Variants in DRC3 observed in about 807,000 individuals in gnomAD.
The protein encoded by DRC3 is dynein regulatory complex subunit 3, also known as leucine rich repeat containing 48.
In DRC3, 45 loss-of-function variants were observed where a neutral mutation model predicts 57.6. The ratio of observed to expected loss-of-function variants is 0.78; its 90% CI spans 0.62 to 1.00. The LOEUF is 1.00. DRC3 is among the 50% of genes least tolerant of loss of function. DRC3 has a pLI of 0.00. For synonymous variants in DRC3, 257 were observed against 272.3 expected, an observed-to-expected ratio of 0.94 and a Z score of 0.55; for missense variants, 655 against 675.2, an observed-to-expected ratio of 0.97 and a Z score of 0.33.
At chr17:18,015,652 C>G (rs562057256) in intron 12 of DRC3, 41 of 178,178 alleles carry the variant, frequency 2.3e-4, no homozygotes, top group Non-Finnish European at 3.6e-4. Context: ...TCAGAGCAGC[C>G]TCGAGACCCT....
At chr17:17,976,398 G>A (rs1317064838) in intron 2 of DRC3, among the ~76,000 whole-genome samples, 1 of 152,200 alleles carries the variant, frequency 6.6e-6, no homozygotes, top group Non-Finnish European at 1.5e-5. Flanking sequence ...ATCTACTGGA[G>A]GCTGGGCACG....
At chr17:17,978,221 A>G (rs939414884) in intron 3 of DRC3, among the ~76,000 whole-genome samples, 1 of 152,176 alleles carries the variant, frequency 6.6e-6, no homozygotes, top group African/African-American at 2.4e-5. Context: ...TAGCAGGAGG[A>G]GCACAGGCCC....
rs1391670371 is a variant in DRC3 at position 17,988,027 on chromosome 17, G to A, written c.373G>A (p.Asp125Asn). 5.6e-6 allele frequency: 9 copies of A among 1,613,882 alleles called. No homozygotes were observed. Among genetic ancestry groups the A allele is most frequent in the East Asian group, 2.2e-5 (1 of 44,894 alleles). ...SLFNNRISKIDSLDALVKLQV... is the reference protein window; with the variant it reads ...SLFNNRISKINSLDALVKLQV... ...GTTCAACAACCGGATCTCCAAGATC[G>A]ACTCCCTGGACGCCCTCGTCAAGCT... is the stretch of plus-strand genomic sequence containing the variant. The change falls in exon 5 of 14, where the codon GAC becomes AAC. Residue 125 changes from aspartate (D) to asparagine (N), a missense_variant. Physicochemically the swap from Asp to Asn is conservative, Grantham distance 23 (BLOSUM62 1). Coordinates refer to ENST00000399187, the MANE Select transcript of DRC3 (RefSeq NM_031294.4).
intron 3 of DRC3, among the ~76,000 whole-genome samples, chr17:17,982,551 A>T (rs1162739634): frequency 7.4e-6 from 1 of 135,292 alleles, no homozygotes; most frequent in African/African-American, 2.8e-5. Flanking sequence ...TCACTTCTGT[A>T]TTATTTCAGT....
At chr17:17,999,836 G>A (rs979508041) in intron 9 of DRC3, among the ~76,000 whole-genome samples, 2 of 152,236 alleles carry the variant, frequency 1.3e-5, no homozygotes, top group African/African-American at 2.4e-5. Flanking sequence ...CTGCACTCTC[G>A]AATGAGTAGT....
At chr17:17,978,773 G>A (rs4635395) in intron 3 of DRC3, among the ~76,000 whole-genome samples, 52,960 of 151,990 alleles carry the variant, frequency 0.35, 10,625 homozygotes, top group East Asian at 0.86. Flanking sequence ...GGCAGGAGGG[G>A]GCTTTTGCAG....
intron 8 of DRC3, 137 bp downstream of exon 8, chr17:17,995,248 G>A (rs1331673077): frequency 3.2e-6 from 2 of 630,276 alleles, no homozygotes; most frequent in East Asian, 5.7e-5. Context: ...TGAGAGCAAT[G>A]TACCCAACAG....
chr17:17,979,923 G>A (rs4622569), intron 3 of DRC3, among the ~76,000 whole-genome samples: 16,408 of 152,096 alleles, frequency 0.11, 1,024 homozygotes, highest in East Asian at 0.26. Context: ...GAGGCACTAC[G>A]CAGCAATCCG....
chr17:17,992,977 G>GAA, intron 6 of DRC3, 66 bp downstream of exon 6: 1 of 1,577,000 alleles, frequency 6.3e-7, no homozygotes, highest in African/African-American at 1.3e-5. Context: ...AGGTTTCTTG[G>GAA]AAAAGGGGCA....
chr17:18,000,299 C>CGTGT (rs34508417), intron 9 of DRC3, among the ~76,000 whole-genome samples: 3 of 119,286 alleles, frequency 2.5e-5, no homozygotes, highest in African/African-American at 3.4e-5. Context: ...ACTTTGCTTT[C>CGTGT]GTGTGTGTGT....
intron 2 of DRC3, among the ~76,000 whole-genome samples, chr17:17,976,803 CAAG>C (rs1226949321): frequency 6.6e-6 from 1 of 152,182 alleles, no homozygotes; most frequent in Non-Finnish European, 1.5e-5. Context: ...GGAAAGCCAG[CAAG>C]AAGGAGGCAG....
chr17:18,006,954 C>T (rs1406481854), intron 11 of DRC3, 70 bp from the exon 12 acceptor site: 46 of 1,595,938 alleles, frequency 2.9e-5, no homozygotes, highest in East Asian at 6.8e-5. Flanking sequence ...GTCTGTCTCC[C>T]GCCGTCTGAG....
intron 4 of DRC3, among the ~76,000 whole-genome samples, chr17:17,984,576 C>T (rs1171675873): frequency 6.6e-6 from 1 of 152,128 alleles, no homozygotes; most frequent in Non-Finnish European, 1.5e-5. Flanking sequence ...AGGTGATGGG[C>T]CTGAGAGCTC....
chr17:18,004,012 C>T (rs1163456897), intron 9 of DRC3, among the ~76,000 whole-genome samples: 1 of 152,010 alleles, frequency 6.6e-6, no homozygotes, highest in Admixed American at 6.6e-5. Flanking sequence ...GTGTGAAATG[C>T]TCTGAACCCC....
chr17:17,986,852 CA>C (rs2042984476), intron 4 of DRC3, among the ~76,000 whole-genome samples: 1 of 152,138 alleles, frequency 6.6e-6, no homozygotes, highest in Admixed American at 6.5e-5. Flanking sequence ...GCCTCTAGGC[CA>C]TTGGTGTTCC....
In DRC3 at chr17:17,996,014, G is replaced by T. The variant is rs187273992; in HGVS notation, c.824+903G>T. Among the ~76,000 whole-genome samples the T allele has an allele frequency of 5.1e-4, 78 of 152,238 alleles. 1 individual carries two copies. The highest frequency in any genetic ancestry group is 8.9e-4 in the African/African-American group (37 of 41,550). Reference sequence around the variant, plus strand: ...CAATTTACAAAAGAAAGAGGTTTTTGGTTTTTTTGTTTTTTTGTTTTTTGA... The same window carrying T: ...CAATTTACAAAAGAAAGAGGTTTTTTGTTTTTTTGTTTTTTTGTTTTTTGA... On this transcript the variant is annotated intron_variant, in intron 8 of 13. Coordinates refer to ENST00000399187, the MANE Select transcript of DRC3 (RefSeq NM_031294.4).
intron 12 of DRC3, chr17:18,007,676 C>G: frequency 7.4e-7 from 1 of 1,344,716 alleles, no homozygotes. Flanking sequence ...GAAGGCTCTC[C>G]CGGATGTCTG....
chr17:18,014,572 A>G (rs1377544177), intron 12 of DRC3, among the ~76,000 whole-genome samples: 1 of 152,184 alleles, frequency 6.6e-6, no homozygotes, highest in East Asian at 1.9e-4. Context: ...AATTCTAATC[A>G]TGTATGTTTC....
chr17:18,016,439 A>G (rs1396214916), intron 13 of DRC3, 119 bp from the exon 14 acceptor site: 2 of 826,040 alleles, frequency 2.4e-6, no homozygotes, highest in Non-Finnish European at 3.8e-6. Flanking sequence ...GGAGGCGCTG[A>G]AGCAAATGAG....
Sources: gnomAD v4.1 joint callset for allele counts (sites outside exome capture counted in the v4.1 genomes callset) on GRCh38, gnomAD v4.1.1 for gene constraint, MANE v1.5 for transcripts, NCBI Gene and HGNC (gene_info 2026-07-23, HGNC 2026-07-21) for gene names.